The following NKAIN3 variants were observed in gnomAD, a reference collection of about 807,000 sequenced individuals.
NKAIN3 encodes sodium/potassium transporting ATPase interacting 3.
NKAIN3 carries 25 observed loss-of-function variants against 30.2 expected under a neutral mutation model. That is an observed-to-expected ratio of 0.83 (90% confidence interval 0.60 to 1.16). NKAIN3 has a LOEUF of 1.16. Ranked by LOEUF, NKAIN3 falls within the 50% of genes most tolerant of loss-of-function variation. The pLI is 0.00. For missense variants in NKAIN3, 225 were observed against 254.1 expected, an observed-to-expected ratio of 0.89 and a Z score of 0.78; for synonymous variants, 91 against 89.6, an observed-to-expected ratio of 1.02 and a Z score of -0.09.
At chr8:62,829,742 TGATA>T (rs57301851) in intron 4 of NKAIN3, among the ~76,000 whole-genome samples, 73 of 150,384 alleles carry the variant, frequency 4.9e-4, no homozygotes, top group Middle Eastern at 3.5e-3. Context: ...GATAGATAGA[TGATA>T]GATAGATAGA....
At chr8:62,588,420 A>C (rs1810545522) in intron 2 of NKAIN3, among the ~76,000 whole-genome samples, 1 of 151,874 alleles carries the variant, frequency 6.6e-6, no homozygotes, top group African/African-American at 2.4e-5. Context: ...TTATCTTAAA[A>C]ATGAAAGCAA....
At chr8:62,459,773 G>A (rs187813003) in intron 1 of NKAIN3, among the ~76,000 whole-genome samples, 247 of 152,276 alleles carry the variant, frequency 1.6e-3, no homozygotes, top group African/African-American at 5.7e-3. Context: ...TGTGCTCAGA[G>A]CAAGCAGGCC....
At chr8:62,739,276 A>T (rs1815782952) in intron 3 of NKAIN3, among the ~76,000 whole-genome samples, 1 of 151,676 alleles carries the variant, frequency 6.6e-6, no homozygotes, top group African/African-American at 2.4e-5. Flanking sequence ...CGAAAAAAAA[A>T]AATATATATA....
At chr8:62,963,346 G>C (rs1178532111) in intron 6 of NKAIN3, among the ~76,000 whole-genome samples, 3 of 152,152 alleles carry the variant, frequency 2.0e-5, no homozygotes, top group African/African-American at 7.2e-5. Context: ...AACACTTCCA[G>C]AATTCCTACC....
intron 3 of NKAIN3, among the ~76,000 whole-genome samples, chr8:62,607,755 A>G (rs1023442382): frequency 2.0e-5 from 3 of 152,150 alleles, no homozygotes; most frequent in East Asian, 3.9e-4. Flanking sequence ...TTTGAAACCA[A>G]TATAGTATCC....
chr8:62,410,278 A>G (rs1804199549), intron 1 of NKAIN3, among the ~76,000 whole-genome samples: 1 of 152,184 alleles, frequency 6.6e-6, no homozygotes, highest in African/African-American at 2.4e-5. Flanking sequence ...GCTGCTGCAA[A>G]TGACATGATT....
intron 1 of NKAIN3, among the ~76,000 whole-genome samples, chr8:62,314,326 T>G (rs778758093): frequency 6.6e-6 from 1 of 152,186 alleles, no homozygotes; most frequent in African/African-American, 2.4e-5. Context: ...CAGAGTCATA[T>G]CTGGCTACAG....
At chr8:62,493,575 T>A (rs749266721) in intron 1 of NKAIN3, among the ~76,000 whole-genome samples, 1 of 152,188 alleles carries the variant, frequency 6.6e-6, no homozygotes, top group Non-Finnish European at 1.5e-5. Context: ...CATCAGTAAT[T>A]TGATAGAATA....
Position 62,632,856 on chromosome 8 carries a change from A to C in NKAIN3, c.273+43062A>C, listed in dbSNP as rs539289729. ...ATCATGCTTCTCACAGAGAGAGTAC[A>C]TTCACATGCTGATTTTTAGTAAATT... On this transcript the variant is annotated intron_variant, in intron 3 of 6. Coordinates refer to ENST00000623646, the MANE Select transcript of NKAIN3 (RefSeq NM_001304533.3). Among the ~76,000 whole-genome samples the C allele has an allele frequency of 2.6e-5, 4 of 152,328 alleles. No homozygotes were observed. In the East Asian group the frequency reaches 7.7e-4, roughly 29 times the overall value.
At chr8:62,581,015 ATCGCTTGAACCCAGGAGATCAAAGCT>A (rs1810272951) in intron 2 of NKAIN3, among the ~76,000 whole-genome samples, 1 of 150,122 alleles carries the variant, frequency 6.7e-6, no homozygotes, top group African/African-American at 2.4e-5. Context: ...AGGCAGGAGG[ATCGCTTGAACCCAGGAGATCAAAGCT>A]GCAGTAAGCC....
intron 3 of NKAIN3, among the ~76,000 whole-genome samples, chr8:62,637,516 A>T (rs575134662): frequency 2.0e-3 from 310 of 152,260 alleles, no homozygotes; most frequent in Non-Finnish European, 3.5e-3. Flanking sequence ...GCTCCCAGGG[A>T]ATGTTCTCTT....
intron 1 of NKAIN3, among the ~76,000 whole-genome samples, chr8:62,548,005 A>T (rs1031171886): frequency 1.3e-5 from 2 of 152,108 alleles, no homozygotes; most frequent in African/African-American, 4.8e-5. Context: ...TTGAGTACAC[A>T]TGGCCTTATG....
At chr8:62,962,081 C>T (rs1190223774) in intron 6 of NKAIN3, among the ~76,000 whole-genome samples, 1 of 152,176 alleles carries the variant, frequency 6.6e-6, no homozygotes, top group African/African-American at 2.4e-5. Context: ...CACCCACACA[C>T]ATGCACATAC....
At chr8:62,467,298 A>G (rs1806191960) in intron 1 of NKAIN3, among the ~76,000 whole-genome samples, 1 of 152,176 alleles carries the variant, frequency 6.6e-6, no homozygotes, top group African/African-American at 2.4e-5. Context: ...AAGAGATTAC[A>G]TACTTCTTTA....
At chr8:62,748,878 AT>A (rs1269749892) in intron 4 of NKAIN3, among the ~76,000 whole-genome samples, 1 of 152,176 alleles carries the variant, frequency 6.6e-6, no homozygotes, top group African/African-American at 2.4e-5. Flanking sequence ...TTGCCAATAT[AT>A]GCTTATCAGT....
chr8:62,379,038 G>T (rs1326693667), intron 1 of NKAIN3, among the ~76,000 whole-genome samples: 1 of 152,196 alleles, frequency 6.6e-6, no homozygotes, highest in Non-Finnish European at 1.5e-5. Context: ...AGCTTCTCAA[G>T]GCTGTGGGAA....
intron 3 of NKAIN3, among the ~76,000 whole-genome samples, chr8:62,619,711 A>AAG (rs1254934724): frequency 2.0e-5 from 3 of 151,806 alleles, no homozygotes; most frequent in African/African-American, 7.3e-5. Context: ...AAAAAAAAAA[A>AAG]AGGCTGGAAA....
rs149288446 is a variant in NKAIN3 at position 62,957,164 on chromosome 8, T to C, written c.603+3192T>C. On this transcript the variant is annotated intron_variant, in intron 6 of 6. Coordinates refer to ENST00000623646, the MANE Select transcript of NKAIN3 (RefSeq NM_001304533.3). ...CTTTTTTTTTTTTAAGACGGAGTCT[T>C]GCTCTTTCACCCAGTGGGGAGTGCA... is the stretch of plus-strand genomic sequence containing the variant. 4.9e-3 allele frequency among the ~76,000 whole-genome samples: 742 copies of C among 151,982 alleles called. 8 individuals carry two copies. The highest frequency in any genetic ancestry group is 0.017 in the African/African-American group (700 of 41,406).
intron 4 of NKAIN3, among the ~76,000 whole-genome samples, chr8:62,859,313 C>T (rs998555692): frequency 4.0e-5 from 6 of 151,890 alleles, no homozygotes; most frequent in Non-Finnish European, 7.4e-5. Context: ...GTTGCTGTAT[C>T]CACTCACCCC....
Sources: allele counts gnomAD v4.1 joint callset (sites outside exome capture counted in the v4.1 genomes callset), GRCh38; gene constraint gnomAD v4.1.1; transcripts MANE v1.5; gene names NCBI Gene and HGNC (gene_info 2026-07-23, HGNC 2026-07-21).